NRXN3: variants seen among roughly 807,000 people sequenced by gnomAD.
The protein encoded by NRXN3 is neurexin 3.
In NRXN3, 32 loss-of-function variants were observed where a neutral mutation model predicts 137.6. That is an observed-to-expected ratio of 0.23 (90% CI 0.18 to 0.31). NRXN3 has a LOEUF of 0.31. NRXN3 is among the 10% of genes least tolerant of loss of function. The pLI is 1.00. For missense variants in NRXN3, 1,574 were observed against 2,062.5 expected (o/e 0.76, Z 4.59); for synonymous variants, 798 against 784.5 (o/e 1.02, Z -0.29).
chr14:79,165,172 G>T (rs370048421), intron 15 of NRXN3, among the ~76,000 whole-genome samples: 1 of 151,920 alleles, frequency 6.6e-6, no homozygotes, highest in Non-Finnish European at 1.5e-5. Flanking sequence ...TATTTCACTG[G>T]ATCCCTTGGT....
intron 10 of NRXN3, among the ~76,000 whole-genome samples, chr14:78,921,316 T>C (rs1310277403): frequency 1.3e-5 from 2 of 152,200 alleles, no homozygotes; most frequent in South Asian, 2.1e-4. Flanking sequence ...ACAGTCCTTG[T>C]CCTCATGAAA....
rs2095709368 is a variant in NRXN3, at chr14:78,493,541, A to AATAC, written c.758-151576_758-151575insCATA. Among the ~76,000 whole-genome samples, 6 of 150,250 alleles carry AATAC rather than the reference A, an allele frequency of 4.0e-5. No individual in the cohort carries two copies. In the South Asian group the frequency reaches 1.3e-3, roughly 32 times the overall value. On this transcript the variant is annotated intron_variant, in intron 4 of 20. Transcript: ENST00000335750. ...TCCATCTCAAATAAATAAATAAATA[A>AATAC]ATAAATAAATAAATAAATAAATAAA...
intron 15 of NRXN3, among the ~76,000 whole-genome samples, chr14:79,141,922 T>C (rs1459713241): frequency 5.3e-5 from 8 of 152,180 alleles, no homozygotes; most frequent in Non-Finnish European, 2.9e-5. Flanking sequence ...AACAAATCAA[T>C]CACTCTTGAC....
chr14:79,337,506 A>T (rs2092342664), intron 15 of NRXN3, among the ~76,000 whole-genome samples: 2 of 152,208 alleles, frequency 1.3e-5, no homozygotes, highest in Non-Finnish European at 2.9e-5. Flanking sequence ...ATGCAGTATA[A>T]TCTGTTTCAG....
intron 15 of NRXN3, among the ~76,000 whole-genome samples, chr14:79,418,236 AG>A (rs1290092177): frequency 6.6e-6 from 1 of 152,136 alleles, no homozygotes; most frequent in African/African-American, 2.4e-5. Context: ...TTTCAGTTAG[AG>A]GGGTGCTGAC....
intron 8 of NRXN3, among the ~76,000 whole-genome samples, chr14:78,743,433 C>T (rs1462676812): frequency 1.3e-5 from 2 of 152,148 alleles, no homozygotes; most frequent in African/African-American, 4.8e-5. Flanking sequence ...TGATCTCTTT[C>T]GCTTGCACAG....
At chr14:78,992,751 A>G (rs973945631) in intron 15 of NRXN3, among the ~76,000 whole-genome samples, 19 of 152,196 alleles carry the variant, frequency 1.2e-4, no homozygotes, top group Non-Finnish European at 4.4e-5. Flanking sequence ...GTTGGCTTTT[A>G]CCATGTACAT....
intron 16 of NRXN3, among the ~76,000 whole-genome samples, chr14:79,638,426 GA>G (rs774315346): frequency 6.6e-6 from 1 of 152,134 alleles, no homozygotes; most frequent in Non-Finnish European, 1.5e-5. Flanking sequence ...AAAACTGACA[GA>G]GTGACGTATG....
At chr14:79,363,750 C>A (rs943855713) in intron 15 of NRXN3, among the ~76,000 whole-genome samples, 1 of 152,200 alleles carries the variant, frequency 6.6e-6, no homozygotes, top group African/African-American at 2.4e-5. Flanking sequence ...CCAGCTCCTG[C>A]ATAGAATATC....
intron 16 of NRXN3, among the ~76,000 whole-genome samples, chr14:79,478,153 A>G (rs2096576159): frequency 1.3e-5 from 2 of 149,284 alleles, no homozygotes; most frequent in Non-Finnish European, 3.0e-5. Context: ...TGGGAAATAT[A>G]TACATATTTT....
intron 8 of NRXN3, among the ~76,000 whole-genome samples, chr14:78,769,938 TTA>T (rs773102384): frequency 2.6e-5 from 4 of 151,934 alleles, no homozygotes; most frequent in Non-Finnish European, 5.9e-5. Flanking sequence ...AGGTTTTTGC[TTA>T]TGAGTCTTCA....
chr14:79,020,375 C>T (rs1049079152), intron 15 of NRXN3, among the ~76,000 whole-genome samples: 3 of 151,054 alleles, frequency 2.0e-5, no homozygotes, highest in African/African-American at 7.3e-5. Context: ...AAGCGATTCT[C>T]CTGCCTCAGC....
intron 17 of NRXN3, among the ~76,000 whole-genome samples, chr14:79,680,171 G>C (rs906585322): frequency 6.6e-6 from 1 of 152,060 alleles, no homozygotes; most frequent in Middle Eastern, 3.2e-3. Flanking sequence ...ACTTTAACAG[G>C]GGCTGAAGAG....
At chr14:78,216,725 C>T (rs1362112522) in intron 1 of NRXN3, among the ~76,000 whole-genome samples, 1 of 152,216 alleles carries the variant, frequency 6.6e-6, no homozygotes, top group Non-Finnish European at 1.5e-5. Flanking sequence ...TTTATTAGCT[C>T]ATAGTTCTGG....
chr14:78,938,154 G>A (rs1228782393), intron 10 of NRXN3, among the ~76,000 whole-genome samples: 4 of 152,148 alleles, frequency 2.6e-5, no homozygotes, highest in Non-Finnish European at 4.4e-5. Flanking sequence ...TCATTTATTC[G>A]TCACCATATC....
At chr14:79,624,987 T>A (rs2098268096) in intron 16 of NRXN3, among the ~76,000 whole-genome samples, 1 of 152,008 alleles carries the variant, frequency 6.6e-6, no homozygotes, top group Non-Finnish European at 1.5e-5. Context: ...GTTGTAGAGA[T>A]GAGGTCTCAC....
chr14:79,285,989 CA>C (rs2082186619), intron 15 of NRXN3, among the ~76,000 whole-genome samples: 1 of 151,790 alleles, frequency 6.6e-6, no homozygotes, highest in African/African-American at 2.4e-5. Flanking sequence ...TTGCAATTTA[CA>C]AAATTCATAA....
intron 19 of NRXN3, among the ~76,000 whole-genome samples, chr14:79,751,047 G>A (rs944678264): frequency 2.0e-5 from 3 of 151,912 alleles, no homozygotes; most frequent in Non-Finnish European, 4.4e-5. Flanking sequence ...TTGACTTGGC[G>A]ATGCAGGCTC....
chr14:78,790,088 T>C (rs1373725421), intron 8 of NRXN3, among the ~76,000 whole-genome samples: 1 of 152,190 alleles, frequency 6.6e-6, no homozygotes, highest in Admixed American at 6.6e-5. Context: ...AGAATTGTGT[T>C]ATGTTTAATT....
Sources: allele counts gnomAD v4.1 joint callset (sites outside exome capture counted in the v4.1 genomes callset), GRCh38; gene constraint gnomAD v4.1.1; transcripts MANE v1.5; gene names NCBI Gene and HGNC (gene_info 2026-07-23, HGNC 2026-07-21).